The following UNC5D variants were observed in gnomAD, a reference collection of about 807,000 sequenced individuals.
UNC5D encodes unc-5 netrin receptor D, also known as netrin receptor UNC5D.
Under a neutral mutation model 105.4 loss-of-function variants are expected in UNC5D, and 39 were observed. The observed-to-expected ratio is 0.37, with a 90% CI of 0.29 to 0.48. The LOEUF (loss-of-function observed/expected upper bound fraction) is 0.48. UNC5D is among the 20% of genes least tolerant of loss of function. The probability of loss-of-function intolerance (pLI) is 0.98; values close to 1 mark genes in which losing one functional copy is unlikely to be tolerated. For missense variants in UNC5D, 991 were observed against 1,202.4 expected, an observed-to-expected ratio of 0.82 and a Z score of 2.60; for synonymous variants, 452 against 450.4, an observed-to-expected ratio of 1.00 and a Z score of -0.04.
intron 8 of UNC5D, among the ~76,000 whole-genome samples, chr8:35,707,312 G>C (rs558605507): frequency 2.9e-4 from 44 of 152,130 alleles, no homozygotes; most frequent in Admixed American, 7.2e-4. Flanking sequence ...TAAGAATTTG[G>C]GAAAACAGCA....
At chr8:35,723,019 C>A (rs1828665030) in intron 9 of UNC5D, among the ~76,000 whole-genome samples, 1 of 152,214 alleles carries the variant, frequency 6.6e-6, no homozygotes, top group Admixed American at 6.5e-5. Flanking sequence ...TCATTTAATT[C>A]TGTTATAGGA....
intron 13 of UNC5D, among the ~76,000 whole-genome samples, chr8:35,752,254 A>G (rs1341991350): frequency 6.6e-6 from 1 of 152,192 alleles, no homozygotes; most frequent in Non-Finnish European, 1.5e-5. Flanking sequence ...AGCTCTGCCC[A>G]TATATAAATA....
intron 4 of UNC5D, among the ~76,000 whole-genome samples, chr8:35,605,138 G>T (rs536896093): frequency 6.6e-6 from 1 of 152,140 alleles, no homozygotes; most frequent in East Asian, 1.9e-4. Flanking sequence ...TAGAGTTTCC[G>T]GTTTTTCTGT....
intron 8 of UNC5D, among the ~76,000 whole-genome samples, chr8:35,711,167 GT>G (rs1827939917): frequency 2.1e-5 from 3 of 142,600 alleles, no homozygotes. Flanking sequence ...CCGGCTTTCT[GT>G]TTTTGTTTTG....
intron 1 of UNC5D, among the ~76,000 whole-genome samples, chr8:35,297,739 G>A (rs1807601870): frequency 6.6e-6 from 1 of 151,856 alleles, no homozygotes; most frequent in African/African-American, 2.4e-5. Context: ...TGACAGGTGT[G>A]AATTGTGTTC....
chr8:35,285,779 C>A (rs1231177884), intron 1 of UNC5D, among the ~76,000 whole-genome samples: 4 of 152,122 alleles, frequency 2.6e-5, no homozygotes, highest in African/African-American at 9.7e-5. Flanking sequence ...GGGGAATCCA[C>A]AGATTAATTC....
intron 1 of UNC5D, among the ~76,000 whole-genome samples, chr8:35,253,123 C>A (rs999422871): frequency 6.7e-6 from 1 of 148,950 alleles, no homozygotes; most frequent in East Asian, 2.0e-4. Flanking sequence ...TGTGTGTGTG[C>A]GTGTGTGTGT....
In UNC5D at chr8:35,500,370, A is replaced by G. The variant is rs550064433; in HGVS notation, c.104-48922A>G. ...AGGAACCCACTGTCCTGATAGTGACACTAACCCATTCATGAGGGCAGAGAG... is the reference window on the plus strand; with the variant it reads ...AGGAACCCACTGTCCTGATAGTGACGCTAACCCATTCATGAGGGCAGAGAG... On this transcript the variant is annotated intron_variant, in intron 1 of 16. Coordinates refer to ENST00000404895, the MANE Select transcript of UNC5D (RefSeq NM_080872.4). Among the ~76,000 whole-genome samples, 39 of 152,306 alleles carry G rather than the reference A, an allele frequency of 2.6e-4. 1 individual carries two copies. The South Asian group carries it at 6.0e-3, about 23-fold the overall frequency.
At chr8:35,770,784 C>A (rs1237276300) in intron 15 of UNC5D, among the ~76,000 whole-genome samples, 1 of 152,182 alleles carries the variant, frequency 6.6e-6, no homozygotes, top group Non-Finnish European at 1.5e-5. Context: ...TCCCTTCAAG[C>A]AGTTCTCTTA....
At chr8:35,276,642 G>A (rs1805795227) in intron 1 of UNC5D, among the ~76,000 whole-genome samples, 2 of 152,158 alleles carry the variant, frequency 1.3e-5, no homozygotes, top group East Asian at 1.9e-4. Context: ...AATCTCCCAT[G>A]TAGGTCTGTA....
At chr8:35,684,844 C>T in intron 6 of UNC5D, 95 bp downstream of exon 6, 2 of 1,433,540 alleles carry the variant, frequency 1.4e-6, no homozygotes, top group African/African-American at 2.9e-5. Context: ...CCAAAGTTAC[C>T]CTCTCCCAAG....
chr8:35,568,362 A>G, intron 3 of UNC5D, 121 bp downstream of exon 3: 1 of 1,322,480 alleles, frequency 7.6e-7, no homozygotes, highest in Non-Finnish European at 1.0e-6. Flanking sequence ...TCTTAAATTT[A>G]CTCTTCTAAA....
At chr8:35,731,620 A>G (rs902619397) in intron 11 of UNC5D, among the ~76,000 whole-genome samples, 20 of 152,080 alleles carry the variant, frequency 1.3e-4, no homozygotes, top group Non-Finnish European at 2.4e-4. Context: ...GTCTCTACAC[A>G]AGAGACACCA....
At chr8:35,591,238 G>A (rs1295131153) in intron 3 of UNC5D, among the ~76,000 whole-genome samples, 1 of 151,208 alleles carries the variant, frequency 6.6e-6, no homozygotes, top group Non-Finnish European at 1.5e-5. Flanking sequence ...TAAAAAATTA[G>A]CTCCTATGCT....
intron 1 of UNC5D, among the ~76,000 whole-genome samples, chr8:35,436,873 G>T (rs927010807): frequency 6.6e-6 from 1 of 151,984 alleles, no homozygotes; most frequent in Admixed American, 6.6e-5. Context: ...GAAATATTTA[G>T]TACCAATTGC....
chr8:35,428,561 T>G (rs1806410349), intron 1 of UNC5D, among the ~76,000 whole-genome samples: 1 of 151,916 alleles, frequency 6.6e-6, no homozygotes, highest in South Asian at 2.1e-4. Context: ...GACACACTTT[T>G]CTTCTGTGCA....
intron 4 of UNC5D, among the ~76,000 whole-genome samples, chr8:35,651,632 C>T (rs942307578): frequency 1.3e-5 from 2 of 152,214 alleles, no homozygotes; most frequent in Non-Finnish European, 2.9e-5. Context: ...TCTCTTCCCC[C>T]ACTAGAGAGA....
intron 1 of UNC5D, among the ~76,000 whole-genome samples, chr8:35,351,472 C>T (rs1250441346): frequency 6.6e-6 from 1 of 151,978 alleles, no homozygotes; most frequent in Non-Finnish European, 1.5e-5. Flanking sequence ...TTTGAAGTCT[C>T]AAGTATTATG....
intron 1 of UNC5D, among the ~76,000 whole-genome samples, chr8:35,534,908 A>G (rs1679973612): frequency 6.6e-6 from 1 of 151,706 alleles, no homozygotes; most frequent in Admixed American, 6.6e-5. Context: ...AAGTTTTGAA[A>G]CTCTCTGAAC....
Sources: allele counts gnomAD v4.1 joint callset (sites outside exome capture counted in the v4.1 genomes callset), GRCh38; gene constraint gnomAD v4.1.1; transcripts MANE v1.5; gene names NCBI Gene and HGNC (gene_info 2026-07-23, HGNC 2026-07-21).